TERT: variants seen among roughly 807,000 people sequenced by gnomAD.
TERT encodes telomerase reverse transcriptase.
In TERT, 42 loss-of-function variants were observed where a neutral mutation model predicts 104.0. The observed-to-expected ratio is 0.40, with a 90% CI of 0.32 to 0.52. TERT has a LOEUF of 0.52. Among genes scored for constraint, TERT ranks in the 20% least tolerant of loss-of-function variants. The pLI is 0.43. For missense variants in TERT, 1,101 were observed against 1,610.3 expected, an observed-to-expected ratio of 0.68 and a Z score of 5.41; for synonymous variants, 781 against 725.6, an observed-to-expected ratio of 1.08 and a Z score of -1.23.
chr5:1,264,180 T>C, intron 11 of TERT: 1 of 589,660 alleles, frequency 1.7e-6, no homozygotes, highest in South Asian at 2.0e-5. Context: ...CATTTCCTTT[T>C]ACCAAAATAG....
chr5:1,258,484 A>G (rs1023035784), intron 13 of TERT, 114 bp downstream of exon 13: 4 of 937,038 alleles, frequency 4.3e-6, no homozygotes, highest in Non-Finnish European at 5.0e-6. Flanking sequence ...TGAAAACGTA[A>G]GACATTCCTT....
In TERT at chr5:1,278,654, G is replaced by A; in HGVS notation, c.2273C>T (p.Ala758Val). The A allele has an allele frequency of 1.9e-6, 3 of 1,614,164 alleles. No individual in the cohort carries two copies. Among genetic ancestry groups the A allele is most frequent in the Non-Finnish European group, 2.5e-6 (3 of 1,180,044 alleles). The change falls in exon 6 of 16, where the codon GCC (alanine) becomes GTC (valine). Residue 758 changes from alanine (A) to valine (V), a missense_variant. Coordinates refer to ENST00000310581, the MANE Select transcript of TERT (RefSeq NM_198253.3). ...QKAAHGHVRK[A>V]FKSHVSTLTD... Reference sequence around the variant, plus strand: ...CGTGAACCTTACGTGGCTCTTGAAGGCCTTGCGGACGTGCCCATGGGCGGC... The same window carrying A: ...CGTGAACCTTACGTGGCTCTTGAAGACCTTGCGGACGTGCCCATGGGCGGC...
chr5:1,258,497 C>T (rs1317418629), intron 13 of TERT, 101 bp downstream of exon 13: 24 of 1,059,564 alleles, frequency 2.3e-5, no homozygotes, highest in African/African-American at 3.1e-5. Flanking sequence ...CATTCCTTGC[C>T]CCTAAAACCC....
intron 11 of TERT, among the ~76,000 whole-genome samples, chr5:1,264,063 CTG>C (rs1748415569): frequency 1.3e-5 from 2 of 149,790 alleles, no homozygotes; most frequent in Admixed American, 1.3e-4. Context: ...AGCAGGGCCC[CTG>C]TGTTTCGGGT....
rs1036861324 is a variant in TERT, at chr5:1,255,172, C to A, written c.3157+115G>T. The A allele has an allele frequency of 6.0e-5, 86 of 1,423,098 alleles. No individual in the cohort carries two copies. Among genetic ancestry groups the A allele is most frequent in the Non-Finnish European group, 8.0e-5 (83 of 1,036,980 alleles). 88.2% of individuals were successfully genotyped at this position (1,423,098 alleles called of 1,614,324 possible). On this transcript the variant is annotated intron_variant, in intron 14 of 15. Transcript: ENST00000310581. This position sits in a 1 kb window ranked among gnomAD's most constrained non-coding sequence, Gnocchi z 6.9. The stretch of plus-strand genomic sequence containing the variant: ...GCCTGACAGTGGTTGGGTTAAACCA[C>A]TTCCTGATGCGAAAAGGGGTAAGAA...
In TERT at chr5:1,292,951, G is replaced by A. The variant is rs1044968464; in HGVS notation, c.1573+362C>T. 4.6e-5 allele frequency among the ~76,000 whole-genome samples: 7 copies of A among 152,202 alleles called. No individual in the cohort carries two copies. Among genetic ancestry groups the A allele is most frequent in the African/African-American group, 1.7e-4 (7 of 41,452 alleles). ...TTCCCACCCTTGAAATTGCGAAGAG[G>A]ATTATAGGTAACCTGCAGGCACCCT... On this transcript the variant is annotated intron_variant, in intron 2 of 15. Transcript: ENST00000310581. This position sits in a 1 kb window ranked among gnomAD's most constrained non-coding sequence, Gnocchi z 5.5.
intron 2 of TERT, among the ~76,000 whole-genome samples, chr5:1,285,942 T>C (rs950717320): frequency 2.6e-5 from 4 of 151,838 alleles, no homozygotes; most frequent in Middle Eastern, 3.2e-3. Context: ...CCTCATCCTT[T>C]GTCCTGGTTC....
Position 1,271,179 on chromosome 5 carries a change from C to T in TERT, c.2408G>A (p.Ser803Asn), listed in dbSNP as rs760914366. The change falls in exon 8 of 16, where the codon AGT (serine) becomes AAT (asparagine). Residue 803 changes from serine to asparagine, a missense_variant. By Grantham distance (46) the Ser-to-Asn change is conservative (BLOSUM62 1). Coordinates refer to ENST00000310581, the MANE Select transcript of TERT (RefSeq NM_198253.3). ...EQSSSLNEASSGLFDVFLRFM... is the reference protein window; with the variant it reads ...EQSSSLNEASNGLFDVFLRFM... Reference sequence around the variant, plus strand: ...GCGTAGGAAGACGTCGAAGAGGCCACTGCTGGCCTCATTCAGGGAGGAGCT... The same window carrying T: ...GCGTAGGAAGACGTCGAAGAGGCCATTGCTGGCCTCATTCAGGGAGGAGCT... The T allele has an allele frequency of 1.2e-6, 2 of 1,613,080 alleles. No homozygotes were observed. Among genetic ancestry groups the T allele is most frequent in the South Asian group, 2.2e-5 (2 of 91,084 alleles).
chr5:1,255,501 C>T lies in TERT; in HGVS notation c.3033-90G>A, dbSNP rs1334912467. ...GCATGGGCCCACCGGTGCCTGTGTG[C>T]GTGCATGAATGCACATGCATGGGTT... On this transcript the variant is annotated intron_variant, in intron 13 of 15. Transcript: ENST00000310581. This position sits in a 1 kb window ranked among gnomAD's most constrained non-coding sequence, Gnocchi z 6.9. The T allele has an allele frequency of 1.3e-5, 20 of 1,553,428 alleles. No homozygotes were observed. The East Asian group carries it at 1.8e-4, about 14-fold the overall frequency.
rs1259869746 is a variant in TERT at position 1,270,715 on chromosome 5, A to C, written c.2468+404T>G. On this transcript the variant is annotated intron_variant, in intron 8 of 15. Coordinates refer to ENST00000310581, the MANE Select transcript of TERT (RefSeq NM_198253.3). The surrounding 1 kb of genome is among the most constrained non-coding windows in gnomAD (Gnocchi z 8.3). Reference sequence around the variant, plus strand: ...GGGACAGGAATGAGAATCGGATAAAATCCTTTTGTATCGGGAGAGAGAGAT... The same window carrying C: ...GGGACAGGAATGAGAATCGGATAAACTCCTTTTGTATCGGGAGAGAGAGAT... 6.6e-6 allele frequency among the ~76,000 whole-genome samples: 1 copy of C among 152,218 alleles called. No individual in the cohort carries two copies. The highest frequency in any genetic ancestry group is 1.5e-5 in the Non-Finnish European group (1 of 68,042).
Position 1,294,813 on chromosome 5 carries a change from G to T in TERT, c.177C>A (p.Pro59=). The T allele has an allele frequency of 6.6e-7, 1 of 1,513,492 alleles. No homozygotes were observed. Among genetic ancestry groups the T allele is most frequent in the Non-Finnish European group, 8.8e-7 (1 of 1,138,634 alleles). 93.8% of individuals were successfully genotyped at this position (1,513,492 alleles called of 1,614,324 possible). The change falls in exon 1 of 16, where the codon CCC becomes CCA. Residue 59 remains proline (P), a synonymous_variant. Coordinates refer to ENST00000310581, the MANE Select transcript of TERT (RefSeq NM_198253.3). ...CGGCGGGGGGCGGCCGTGCGTCCCAGGGCACGCACACCAGGCACTGGGCCA... is the reference window on the plus strand; with the variant it reads ...CGGCGGGGGGCGGCCGTGCGTCCCATGGCACGCACACCAGGCACTGGGCCA... ...ALVAQCLVCV[P]WDARPPPAAP... is the part of the protein sequence containing the mutation.
At position 1,282,604 on chromosome 5, in the gene TERT, C is replaced by A. The variant is rs776459827; in HGVS notation, c.1594G>T (p.Ala532Ser). ...ATCTCCTCACGCAGACGGTGCTCTG[C>A]GGCCGGAACACAGCCAACCCCTTAA... is the stretch of plus-strand genomic sequence containing the variant. ...RSPGVGCVPA[A>S]EHRLREEILA... The change falls in exon 3 of 16, where the codon GCA becomes TCA. Residue 532 changes from alanine (A) to serine (S), a missense_variant. By Grantham distance (99) the Ala-to-Ser change is moderately conservative (BLOSUM62 1). Coordinates refer to ENST00000310581, the MANE Select transcript of TERT (RefSeq NM_198253.3). 3.1e-6 allele frequency: 5 copies of A among 1,613,948 alleles called. No homozygotes were observed. The highest frequency in any genetic ancestry group is 1.1e-5 in the South Asian group (1 of 91,094).
At chr5:1,260,657 C>T in intron 11 of TERT, 57 bp from the exon 12 acceptor site, 1 of 1,608,136 alleles carries the variant, frequency 6.2e-7, no homozygotes, top group East Asian at 2.2e-5. Flanking sequence ...CAGCCCCCTC[C>T]TGCAAAGCTT....
intron 11 of TERT, 59 bp downstream of exon 11, chr5:1,264,345 C>T (rs1748440194): frequency 6.5e-7 from 1 of 1,541,254 alleles, no homozygotes; most frequent in Admixed American, 1.9e-5. Flanking sequence ...ACGCAACGGC[C>T]CTGCAGCAGC....
At chr5:1,259,396 C>A (rs1477853310) in intron 12 of TERT, among the ~76,000 whole-genome samples, 3 of 110,962 alleles carry the variant, frequency 2.7e-5, no homozygotes, top group Non-Finnish European at 5.3e-5. Flanking sequence ...GGAGTGGATG[C>A]GGACGCCCAC....
At chr5:1,259,617 G>A (rs1299926861) in intron 12 of TERT, among the ~76,000 whole-genome samples, 6 of 140,458 alleles carry the variant, frequency 4.3e-5, no homozygotes, top group African/African-American at 1.1e-4. Flanking sequence ...ACAGGAGAGG[G>A]GGAGTGGACA....
intron 2 of TERT, among the ~76,000 whole-genome samples, chr5:1,284,032 G>C (rs1263810708): frequency 1.5e-5 from 2 of 130,078 alleles, no homozygotes; most frequent in African/African-American, 2.9e-5. Flanking sequence ...ACCTCACCCC[G>C]GACCTGCACC....
At chr5:1,267,987 A>T (rs1208336807) in intron 9 of TERT, among the ~76,000 whole-genome samples, 2 of 152,246 alleles carry the variant, frequency 1.3e-5, no homozygotes, top group African/African-American at 4.8e-5. Context: ...GTATTAAAAA[A>T]AAAAAAGTAA....
intron 1 of TERT, 50 bp from the exon 2 acceptor site, chr5:1,294,716 G>A (rs913610863): frequency 1.5e-5 from 23 of 1,573,318 alleles, no homozygotes; most frequent in Non-Finnish European, 1.8e-5. Flanking sequence ...GCATGTCGCT[G>A]GTTCCCCCCG....
Sources: gnomAD v4.1 joint callset for allele counts (sites outside exome capture counted in the v4.1 genomes callset) on GRCh38, gnomAD v4.1.1 for gene constraint, Gnocchi (gnomAD v3.1) non-coding constraint, MANE v1.5 for transcripts, NCBI Gene and HGNC (gene_info 2026-07-23, HGNC 2026-07-21) for gene names.